LIMA1: variants seen among roughly 807,000 people sequenced by gnomAD.
The protein encoded by LIMA1 is LIM domain and actin-binding protein 1.
LIMA1 carries 52 observed loss-of-function variants against 62.6 expected under a neutral mutation model. That is an observed-to-expected ratio of 0.83 (90% CI 0.67 to 1.05). The LOEUF (loss-of-function observed/expected upper bound fraction) is 1.05. Ranked by LOEUF, LIMA1 falls within the 50% of genes least tolerant of loss-of-function variation. LIMA1 has a pLI of 0.00. For synonymous variants in LIMA1, 302 were observed against 317.8 expected (o/e 0.95, Z 0.53); for missense variants, 780 against 902.2 (o/e 0.86, Z 1.74).
At chr12:50,203,707 C>T (rs1025463359) in intron 6 of LIMA1, among the ~76,000 whole-genome samples, 2 of 152,168 alleles carry the variant, frequency 1.3e-5, no homozygotes, top group African/African-American at 2.4e-5. Flanking sequence ...GCCATCACAC[C>T]CAGCTGAATA....
At chr12:50,200,196 G>A (rs543509790) in intron 7 of LIMA1, among the ~76,000 whole-genome samples, 5 of 143,300 alleles carry the variant, frequency 3.5e-5, no homozygotes, top group South Asian at 4.5e-4. Flanking sequence ...CACTCGGCCC[G>A]AATAGATTTT....
chr12:50,239,862 C>T (rs1941748234), intron 2 of LIMA1, among the ~76,000 whole-genome samples: 1 of 150,742 alleles, frequency 6.6e-6, no homozygotes, highest in Non-Finnish European at 1.5e-5. Flanking sequence ...GGCTTGGTGG[C>T]ATGCGCCTGT....
intron 9 of LIMA1, chr12:50,186,921 A>G (rs1940643991): frequency 6.6e-6 from 1 of 152,242 alleles, no homozygotes; most frequent in Non-Finnish European, 1.5e-5. Flanking sequence ...TCCACAGCCA[A>G]GGGAAACTCT....
chr12:50,253,618 A>C (rs1469316442), intron 1 of LIMA1, among the ~76,000 whole-genome samples: 1 of 152,214 alleles, frequency 6.6e-6, no homozygotes, highest in Non-Finnish European at 1.5e-5. Flanking sequence ...ATCTTCCCAG[A>C]GTGGTGAATA....
chr12:50,176,757 T>C lies in LIMA1; in HGVS notation c.*307A>G, dbSNP rs1940345194. ...ATCTGTCTACCTTAATATTGCCTTT[T>C]GGGAATACAGTAGAATCTGGGCTAT... On this transcript the variant is annotated 3_prime_UTR_variant, in exon 11 of 11. Coordinates refer to ENST00000341247, the MANE Select transcript of LIMA1 (RefSeq NM_016357.5). 3.9e-6 allele frequency: 1 copy of C among 258,052 alleles called. No homozygotes were observed. The highest frequency in any genetic ancestry group is 2.2e-5 in the African/African-American group (1 of 45,032). 16.0% of individuals were successfully genotyped at this position (258,052 alleles called of 1,614,324 possible).
intron 7 of LIMA1, 101 bp from the exon 8 acceptor site, chr12:50,195,988 C>T: frequency 8.2e-7 from 1 of 1,212,514 alleles, no homozygotes; most frequent in East Asian, 2.6e-5. Context: ...CTGCTGACTC[C>T]AGTCAGTCAC....
At chr12:50,184,722 G>C (rs749967066) in intron 9 of LIMA1, among the ~76,000 whole-genome samples, 1 of 152,204 alleles carries the variant, frequency 6.6e-6, no homozygotes, top group Non-Finnish European at 1.5e-5. Flanking sequence ...CTACTGGAGA[G>C]AGCCTGTACA....
rs146853227 is a variant in LIMA1, at chr12:50,279,407, T to C, written c.-24+4013A>G. Among the ~76,000 whole-genome samples, 373 of 151,452 alleles carry C rather than the reference T, an allele frequency of 2.5e-3. 1 individual carries two copies. The highest frequency in any genetic ancestry group is 8.3e-3 in the African/African-American group (346 of 41,448). ...TTAAATGTGTTGGCATATATGAAAA[T>C]AAAACAATTATATATACAATATGAA... On this transcript the variant is annotated intron_variant, in intron 1 of 10. Coordinates refer to ENST00000341247, the MANE Select transcript of LIMA1 (RefSeq NM_016357.5).
At chr12:50,210,344 A>G (rs947617947) in intron 4 of LIMA1, among the ~76,000 whole-genome samples, 10 of 144,778 alleles carry the variant, frequency 6.9e-5, no homozygotes, top group African/African-American at 2.6e-4. Flanking sequence ...AATCGCTTGA[A>G]CCAGGGAGGT....
At chr12:50,240,063 T>C (rs529385248) in intron 2 of LIMA1, among the ~76,000 whole-genome samples, 73 of 144,066 alleles carry the variant, frequency 5.1e-4, no homozygotes, top group African/African-American at 1.8e-3. Flanking sequence ...TAACATAAAA[T>C]AAAAAATTTT....
intron 1 of LIMA1, among the ~76,000 whole-genome samples, chr12:50,253,491 G>C (rs2138652501): frequency 6.6e-6 from 1 of 152,250 alleles, no homozygotes; most frequent in Admixed American, 6.5e-5. Flanking sequence ...TACAATTAAT[G>C]AAGAATGATT....
chr12:50,183,410 C>T (rs1247564422), intron 9 of LIMA1, among the ~76,000 whole-genome samples: 1 of 152,008 alleles, frequency 6.6e-6, no homozygotes, highest in Non-Finnish European at 1.5e-5. Flanking sequence ...TGGGCTCTCA[C>T]CAGAAAACAC....
intron 2 of LIMA1, among the ~76,000 whole-genome samples, chr12:50,235,428 G>C (rs1008472045): frequency 1.3e-5 from 2 of 151,716 alleles, no homozygotes; most frequent in Non-Finnish European, 2.9e-5. Flanking sequence ...GCTATGCCCG[G>C]CTAATTTTTG....
At chr12:50,184,499 G>A (rs1448030071) in intron 9 of LIMA1, among the ~76,000 whole-genome samples, 1 of 152,138 alleles carries the variant, frequency 6.6e-6, no homozygotes, top group Non-Finnish European at 1.5e-5. Context: ...AACATTAGCT[G>A]GGCGTGGTGG....
intron 2 of LIMA1, among the ~76,000 whole-genome samples, chr12:50,238,663 A>G (rs1470875547): frequency 6.6e-6 from 1 of 151,860 alleles, no homozygotes; most frequent in African/African-American, 2.4e-5. Context: ...AAGACTGGCC[A>G]ACATGGTAAA....
At chr12:50,235,273 C>CTTTTT (rs1036341264) in intron 2 of LIMA1, among the ~76,000 whole-genome samples, 2 of 124,368 alleles carry the variant, frequency 1.6e-5, no homozygotes, top group Admixed American at 8.2e-5. Context: ...AATCCTATCA[C>CTTTTT]TTTTTTTTTT....
chr12:50,224,911 T>TC, intron 3 of LIMA1, among the ~76,000 whole-genome samples: 1 of 149,330 alleles, frequency 6.7e-6, no homozygotes, highest in Admixed American at 6.7e-5. Flanking sequence ...TTTTTTTTTT[T>TC]TTTTTTTTGA....
In LIMA1 at chr12:50,238,679, G is replaced by A. The variant is rs149853930; in HGVS notation, c.120-6969C>T. Among the ~76,000 whole-genome samples, 37 of 151,728 alleles carry A rather than the reference G, an allele frequency of 2.4e-4. No individual in the cohort carries two copies. The East Asian group carries it at 4.3e-3, about 18-fold the overall frequency. On this transcript the variant is annotated intron_variant, in intron 2 of 10. Transcript: ENST00000341247. ...AGACTGGCCAACATGGTAAAACCCC[G>A]TCTCTACTAAAAATATAAAAATTAG...
chr12:50,195,697 C>T, intron 8 of LIMA1, 133 bp downstream of exon 8: 1 of 810,986 alleles, frequency 1.2e-6, no homozygotes, highest in Non-Finnish European at 1.9e-6. Flanking sequence ...GACATTCAAG[C>T]ATTAGCCCTT....
Sources: allele counts gnomAD v4.1 joint callset (sites outside exome capture counted in the v4.1 genomes callset), GRCh38; gene constraint gnomAD v4.1.1; transcripts MANE v1.5; gene names NCBI Gene and HGNC (gene_info 2026-07-23, HGNC 2026-07-21).